The following SNTG1 variants were observed in gnomAD, a reference collection of about 807,000 sequenced individuals.
SNTG1 encodes the protein syntrophin gamma 1.
SNTG1 carries 39 observed loss-of-function variants against 74.7 expected under a neutral mutation model. The ratio of observed to expected loss-of-function variants is 0.52; its 90% CI spans 0.40 to 0.68. The LOEUF (loss-of-function observed/expected upper bound fraction) is 0.68. Ranked by LOEUF, SNTG1 falls within the 30% of genes least tolerant of loss-of-function variation. SNTG1 has a pLI of 0.00. For missense variants in SNTG1, 685 were observed against 609.5 expected (o/e 1.12, Z -1.30); for synonymous variants, 254 against 217.1 (o/e 1.17, Z -1.49).
chr8:50,318,776 C>T (rs192811703), intron 2 of SNTG1, among the ~76,000 whole-genome samples: 2 of 152,278 alleles, frequency 1.3e-5, no homozygotes, highest in East Asian at 3.9e-4. Flanking sequence ...GTATATGCAA[C>T]AATGTGTTTA....
intron 18 of SNTG1, among the ~76,000 whole-genome samples, chr8:50,778,492 A>G (rs1277192191): frequency 3.4e-4 from 51 of 151,996 alleles, no homozygotes; most frequent in African/African-American, 1.2e-3. Flanking sequence ...TTGGCTGCAT[A>G]AATGTCTTCT....
At chr8:49,972,209 C>T (rs1811751708) in intron 1 of SNTG1, among the ~76,000 whole-genome samples, 2 of 152,142 alleles carry the variant, frequency 1.3e-5, no homozygotes, top group Non-Finnish European at 2.9e-5. Context: ...AGAAATAATG[C>T]CGCATATCTA....
chr8:50,141,312 A>T (rs1027264911), intron 1 of SNTG1, among the ~76,000 whole-genome samples: 4 of 152,148 alleles, frequency 2.6e-5, no homozygotes, highest in Non-Finnish European at 4.4e-5. Context: ...AACCTGTAAG[A>T]GCTTCAGCTC....
chr8:49,999,399 G>A (rs1814538998), intron 1 of SNTG1, among the ~76,000 whole-genome samples: 1 of 152,020 alleles, frequency 6.6e-6, no homozygotes, highest in Non-Finnish European at 1.5e-5. Context: ...GAAGCAGAGT[G>A]TTTCCTCATC....
intron 1 of SNTG1, among the ~76,000 whole-genome samples, chr8:50,118,159 T>C (rs1171585582): frequency 1.3e-5 from 2 of 152,162 alleles, no homozygotes; most frequent in African/African-American, 2.4e-5. Context: ...TAACCTTAAA[T>C]TTCCTAGTTG....
chr8:49,993,911 T>C (rs916678576), intron 1 of SNTG1, among the ~76,000 whole-genome samples: 8 of 152,214 alleles, frequency 5.3e-5, no homozygotes, highest in African/African-American at 1.7e-4. Flanking sequence ...AGAACCATTA[T>C]ATTCCTGTTG....
chr8:49,979,763 T>C (rs1254426243), intron 1 of SNTG1, among the ~76,000 whole-genome samples: 1 of 152,204 alleles, frequency 6.6e-6, no homozygotes, highest in Non-Finnish European at 1.5e-5. Context: ...ACTGGCTGAA[T>C]GTTCTGAGAG....
chr8:50,190,031 A>G (rs2131774488), intron 2 of SNTG1, among the ~76,000 whole-genome samples: 1 of 152,168 alleles, frequency 6.6e-6, no homozygotes, highest in South Asian at 2.1e-4. Context: ...AATGTTGATT[A>G]CTCATAAGTC....
At chr8:50,020,491 A>C (rs2130667172) in intron 1 of SNTG1, among the ~76,000 whole-genome samples, 1 of 152,282 alleles carries the variant, frequency 6.6e-6, no homozygotes, top group African/African-American at 2.4e-5. Flanking sequence ...CATTTAGGAG[A>C]TAATAAAGTT....
intron 4 of SNTG1, among the ~76,000 whole-genome samples, chr8:50,412,885 T>C (rs190019381): frequency 2.0e-5 from 3 of 152,214 alleles, no homozygotes; most frequent in African/African-American, 4.8e-5. Flanking sequence ...AGTGTATTGG[T>C]GGGTTGTGGT....
chr8:50,536,568 TTTTGATCATTTAGGGGAAAAATA>T (rs2094308639), intron 10 of SNTG1, 87 bp from the exon 11 acceptor site: 1 of 1,346,614 alleles, frequency 7.4e-7, no homozygotes, highest in East Asian at 2.3e-5. Context: ...CATTAAAGTC[TTTTGATCATTTAGGGGAAAAATA>T]ATATCCCCCA....
intron 1 of SNTG1, among the ~76,000 whole-genome samples, chr8:49,954,916 C>G (rs1473726353): frequency 6.6e-6 from 1 of 152,018 alleles, no homozygotes; most frequent in Non-Finnish European, 1.5e-5. Context: ...TGTTTATTTT[C>G]CAGTATTCCA....
In SNTG1 at chr8:50,205,232, T is replaced by C. The variant is rs191524778; in HGVS notation, c.-28+32597T>C. On this transcript the variant is annotated intron_variant, in intron 2 of 18. Coordinates refer to ENST00000642720, the MANE Select transcript of SNTG1 (RefSeq NM_018967.5). ...TTCTCCACATCCTCTCCAGCACCTGTTGTTTCCTGACTTTTTAATGATCAC... is the reference window on the plus strand; with the variant it reads ...TTCTCCACATCCTCTCCAGCACCTGCTGTTTCCTGACTTTTTAATGATCAC... 1.8e-3 allele frequency among the ~76,000 whole-genome samples: 277 copies of C among 152,320 alleles called. 2 individuals are homozygous for C. Among genetic ancestry groups the C allele is most frequent in the African/African-American group, 6.3e-3 (261 of 41,580 alleles).
At chr8:50,407,049 G>T (rs2092885647) in intron 4 of SNTG1, among the ~76,000 whole-genome samples, 1 of 152,088 alleles carries the variant, frequency 6.6e-6, no homozygotes, top group Non-Finnish European at 1.5e-5. Context: ...TGTATTAAAA[G>T]ATACCCTCTT....
intron 17 of SNTG1, among the ~76,000 whole-genome samples, chr8:50,743,013 C>T (rs2131669424): frequency 6.6e-6 from 1 of 151,406 alleles, no homozygotes; most frequent in African/African-American, 2.4e-5. Context: ...AATCATAAAT[C>T]TGTCAACAGA....
intron 1 of SNTG1, among the ~76,000 whole-genome samples, chr8:49,994,048 T>A (rs1813948178): frequency 6.6e-6 from 1 of 152,144 alleles, no homozygotes; most frequent in Admixed American, 6.5e-5. Context: ...TGTAGTTTAT[T>A]GAATTTTACT....
At chr8:50,235,540 C>A (rs2085846101) in intron 2 of SNTG1, among the ~76,000 whole-genome samples, 1 of 151,966 alleles carries the variant, frequency 6.6e-6, no homozygotes, top group South Asian at 2.1e-4. Flanking sequence ...AAAAAATGTA[C>A]AGTGATCTGT....
intron 1 of SNTG1, among the ~76,000 whole-genome samples, chr8:49,944,570 G>A (rs1392853849): frequency 9.2e-6 from 1 of 108,246 alleles, no homozygotes; most frequent in Admixed American, 1.3e-4. Context: ...ACCCTCTGGG[G>A]ACTGTTGTGG....
chr8:50,195,467 C>T (rs187448505), intron 2 of SNTG1, among the ~76,000 whole-genome samples: 132 of 152,218 alleles, frequency 8.7e-4, no homozygotes, highest in Non-Finnish European at 1.7e-3. Context: ...AGGTTTCTCG[C>T]CCCGTTCAAA....
Sources: gnomAD v4.1 joint callset for allele counts (sites outside exome capture counted in the v4.1 genomes callset) on GRCh38, gnomAD v4.1.1 for gene constraint, MANE v1.5 for transcripts, NCBI Gene and HGNC (gene_info 2026-07-23, HGNC 2026-07-21) for gene names.